ATP10B: variants seen among roughly 807,000 people sequenced by gnomAD.
ATP10B encodes the protein ATPase phospholipid transporting 10B (putative), also known as phospholipid-transporting ATPase VB.
Under a neutral mutation model 141.2 loss-of-function variants are expected in ATP10B, and 122 were observed. The ratio of observed to expected loss-of-function variants is 0.86; its 90% CI spans 0.75 to 1.00. ATP10B has a LOEUF of 1.00. Ranked by LOEUF, ATP10B falls within the 50% of genes least tolerant of loss-of-function variation. The pLI, the probability that ATP10B is intolerant of heterozygous loss-of-function variation, is 0.00. For synonymous variants in ATP10B, 685 were observed against 692.0 expected (o/e 0.99, Z 0.16); for missense variants, 1,876 against 1,825.3 (o/e 1.03, Z -0.51).
chr5:160,866,872 C>A, the ATP10B span, among the ~76,000 whole-genome samples: 1 of 151,938 alleles, frequency 6.6e-6, no homozygotes, highest in Non-Finnish European at 1.5e-5. Flanking sequence ...CTGTACCCCC[C>A]AAACTGTTAA....
intron 2 of ATP10B, among the ~76,000 whole-genome samples, chr5:160,770,134 C>T (rs1290957655): frequency 6.6e-6 from 1 of 152,068 alleles, no homozygotes; most frequent in Non-Finnish European, 1.5e-5. Flanking sequence ...CTGTCTCTTT[C>T]TCTCTGTGTC....
At chr5:160,824,209 G>C (rs1020499853) in intron 1 of ATP10B, among the ~76,000 whole-genome samples, 1 of 151,952 alleles carries the variant, frequency 6.6e-6, no homozygotes, top group African/African-American at 2.4e-5. Context: ...GTAGAGACAG[G>C]GTTTCACCAT....
In ATP10B at chr5:160,565,578, G is replaced by A. The variant is rs61734664; in HGVS notation, c.4261C>T (p.Leu1421Phe). ...CCCAGCAGGTGCTCCCCGGATGAGA[G>A]TTGAGCTGAGGAGTCCCCTGAGCAT... ...DSCSGDSSAQ[L>F]SSGEHLLGPN... The change falls in exon 26 of 26, where the codon CTC (leucine) becomes TTC (phenylalanine). Residue 1421 changes from leucine to phenylalanine, a missense_variant. By Grantham distance (22) the Leu-to-Phe change is conservative. Coordinates refer to ENST00000327245, the MANE Select transcript of ATP10B (RefSeq NM_025153.3). The A allele has an allele frequency of 2.0e-3, 3,289 of 1,614,112 alleles. 36 individuals carry two copies. The highest frequency in any genetic ancestry group is 0.018 in the South Asian group (1,649 of 91,080).
chr5:160,915,649 A>G, the ATP10B span, among the ~76,000 whole-genome samples: 1 of 152,020 alleles, frequency 6.6e-6, no homozygotes, highest in East Asian at 1.9e-4. Context: ...CTTATTTTCT[A>G]GTACCATCAC....
chr5:160,614,112 C>T (rs960377707), intron 17 of ATP10B: 1 of 151,794 alleles, frequency 6.6e-6, no homozygotes, highest in Non-Finnish European at 1.5e-5. Context: ...GACAAAGAAC[C>T]CCATTATCCT....
chr5:160,761,811 G>A (rs4628027), intron 2 of ATP10B, among the ~76,000 whole-genome samples: 47,647 of 151,580 alleles, frequency 0.31, 7,780 homozygotes, highest in Non-Finnish European at 0.36. Context: ...GAAAGGTGAA[G>A]TCCAACTTTA....
At chr5:160,643,134 C>A (rs969829816) in intron 9 of ATP10B, among the ~76,000 whole-genome samples, 10 of 152,304 alleles carry the variant, frequency 6.6e-5, no homozygotes, top group Admixed American at 5.2e-4. Flanking sequence ...ATCCCCCTCT[C>A]CCAAATTAGG....
In ATP10B at chr5:160,670,902, C is replaced by T. The variant is rs568864697; in HGVS notation, c.471-235G>A. On this transcript the variant is annotated intron_variant, in intron 6 of 25. Coordinates refer to ENST00000327245, the MANE Select transcript of ATP10B (RefSeq NM_025153.3). Reference sequence around the variant, plus strand: ...CTGTCTTTGGCCGGGTGTGGTGGCTCACACCTGTAATCCCAGCACTTTGGG... The same window carrying T: ...CTGTCTTTGGCCGGGTGTGGTGGCTTACACCTGTAATCCCAGCACTTTGGG... Among the ~76,000 whole-genome samples, 5 of 152,126 alleles carry T rather than the reference C, an allele frequency of 3.3e-5. No homozygotes were observed. In the South Asian group the frequency reaches 8.3e-4, roughly 25 times the overall value.
At chr5:160,601,083 A>G (rs1757076336) in intron 21 of ATP10B, among the ~76,000 whole-genome samples, 1 of 152,220 alleles carries the variant, frequency 6.6e-6, no homozygotes, top group Non-Finnish European at 1.5e-5. Context: ...AGCATTTTGG[A>G]TTCTAAATAA....
At position 160,754,503 on chromosome 5, in the gene ATP10B, T is replaced by C. The variant is rs182987763; in HGVS notation, c.-331+31056A>G. 1.9e-4 allele frequency among the ~76,000 whole-genome samples: 29 copies of C among 152,340 alleles called. No individual in the cohort carries two copies. In the East Asian group the frequency reaches 5.6e-3, roughly 29 times the overall value. On this transcript the variant is annotated intron_variant, in intron 2 of 25. Coordinates refer to ENST00000327245, the MANE Select transcript of ATP10B (RefSeq NM_025153.3). ...GGCAAGGGTCTGTGGAAATGAAAGATGTGCTCAGACACTGTCATTTGGCAG... is the reference window on the plus strand; with the variant it reads ...GGCAAGGGTCTGTGGAAATGAAAGACGTGCTCAGACACTGTCATTTGGCAG...
intron 16 of ATP10B, among the ~76,000 whole-genome samples, chr5:160,616,373 G>T (rs575413334): frequency 2.0e-5 from 3 of 152,324 alleles, no homozygotes; most frequent in South Asian, 4.1e-4. Flanking sequence ...TGAAGTTTAG[G>T]TTTCCTCGAC....
chr5:160,886,102 C>T, the ATP10B span, among the ~76,000 whole-genome samples: 1 of 152,136 alleles, frequency 6.6e-6, no homozygotes, highest in Non-Finnish European at 1.5e-5. Context: ...CTACTTTTAG[C>T]CATCGGGGGA....
chr5:160,777,021 T>G (rs796209826), intron 2 of ATP10B, among the ~76,000 whole-genome samples: 24 of 152,306 alleles, frequency 1.6e-4, no homozygotes, highest in African/African-American at 5.8e-4. Context: ...GGCAGGTGCC[T>G]GAGCCAGACC....
intron 13 of ATP10B, among the ~76,000 whole-genome samples, chr5:160,628,901 T>C (rs957517863): frequency 1.3e-5 from 2 of 151,984 alleles, no homozygotes; most frequent in Non-Finnish European, 2.9e-5. Context: ...TGCAGGCAAT[T>C]AGGTGACAAT....
intron 25 of ATP10B, among the ~76,000 whole-genome samples, chr5:160,567,498 C>T (rs1270600459): frequency 2.6e-5 from 4 of 151,990 alleles, no homozygotes; most frequent in Non-Finnish European, 5.9e-5. Flanking sequence ...CCTTTGGGGG[C>T]CTGGCCCATT....
intron 7 of ATP10B, among the ~76,000 whole-genome samples, chr5:160,669,611 T>G (rs1241500442): frequency 3.7e-5 from 1 of 26,870 alleles, no homozygotes; most frequent in African/African-American, 8.6e-5. Context: ...TCTCTCTCTT[T>G]TTTTTTTTTT....
intron 22 of ATP10B, among the ~76,000 whole-genome samples, chr5:160,592,548 G>A (rs1756385345): frequency 6.6e-6 from 1 of 152,222 alleles, no homozygotes; most frequent in Non-Finnish European, 1.5e-5. Context: ...ACTAGGGAGT[G>A]CCAGACAGTG....
chr5:160,653,812 TATTA>T (rs1319846440), intron 7 of ATP10B, among the ~76,000 whole-genome samples: 2 of 125,316 alleles, frequency 1.6e-5, no homozygotes, highest in Non-Finnish European at 3.1e-5. Flanking sequence ...TATACATATA[TATTA>T]TATAGACGTA....
At chr5:160,587,008 G>A (rs550599417) in intron 24 of ATP10B, among the ~76,000 whole-genome samples, 60 of 152,198 alleles carry the variant, frequency 3.9e-4, no homozygotes, top group Middle Eastern at 3.4e-3. Flanking sequence ...TGGTGTTTTC[G>A]TCATGAAATC....
Sources: allele counts gnomAD v4.1 joint callset (sites outside exome capture counted in the v4.1 genomes callset), GRCh38; gene constraint gnomAD v4.1.1; transcripts MANE v1.5; gene names NCBI Gene and HGNC (gene_info 2026-07-23, HGNC 2026-07-21).